The following MGAT5 variants were observed in gnomAD, a reference collection of about 807,000 sequenced individuals.
The protein encoded by MGAT5 is alpha-1,6-mannosylglycoprotein 6-beta-N-acetylglucosaminyltransferase, also known as alpha-1,6-mannosylglycoprotein 6-beta-N-acetylglucosaminyltransferase A.
A neutral mutation model predicts 94.3 loss-of-function variants in MGAT5; 30 were observed. The observed-to-expected ratio is 0.32, with a 90% CI of 0.24 to 0.43. MGAT5 has a LOEUF of 0.43. Ranked by LOEUF, MGAT5 falls within the 20% of genes least tolerant of loss-of-function variation. The pLI is 1.00. For missense variants in MGAT5, 691 were observed against 905.5 expected (o/e 0.76, Z 3.04); for synonymous variants, 310 against 322.9 (o/e 0.96, Z 0.43).
At chr2:134,382,726 A>T (rs1681711604) in intron 10 of MGAT5, among the ~76,000 whole-genome samples, 1 of 152,186 alleles carries the variant, frequency 6.6e-6, no homozygotes, top group Admixed American at 6.5e-5. Flanking sequence ...CTGGTTGCCT[A>T]CTTCTACCAT....
At chr2:134,279,061 C>A (rs1457327230) in intron 2 of MGAT5, among the ~76,000 whole-genome samples, 1 of 152,150 alleles carries the variant, frequency 6.6e-6, no homozygotes, top group African/African-American at 2.4e-5. Context: ...CAGTGCTGAG[C>A]TTGGAGTCTG....
chr2:134,152,999 G>A (rs1186541104), intron 1 of MGAT5, among the ~76,000 whole-genome samples: 2 of 150,594 alleles, frequency 1.3e-5, no homozygotes, highest in Admixed American at 6.6e-5. Context: ...CACCTCCTGA[G>A]TTCAAGCAGT....
At chr2:134,375,827 C>G (rs1427553752) in intron 10 of MGAT5, among the ~76,000 whole-genome samples, 1 of 152,186 alleles carries the variant, frequency 6.6e-6, no homozygotes, top group African/African-American at 2.4e-5. Context: ...CAGAGCACAT[C>G]TCGTCAACTG....
At chr2:134,150,141 A>G (rs1452160405) in intron 1 of MGAT5, among the ~76,000 whole-genome samples, 1 of 152,052 alleles carries the variant, frequency 6.6e-6, no homozygotes. Context: ...AGGCTGTCAG[A>G]TGTCAGCACT....
chr2:134,169,248 G>A (rs1334980158), intron 1 of MGAT5, among the ~76,000 whole-genome samples: 1 of 152,050 alleles, frequency 6.6e-6, no homozygotes, highest in African/African-American at 2.4e-5. Context: ...GGTTGAAAAT[G>A]GGATTTCAAG....
At chr2:134,400,852 C>G (rs1354092952) in intron 10 of MGAT5, among the ~76,000 whole-genome samples, 1 of 152,108 alleles carries the variant, frequency 6.6e-6, no homozygotes, top group African/African-American at 2.4e-5. Context: ...GAGAGGCCTC[C>G]TTGTAGATGA....
chr2:134,407,399 C>T (rs1270014783), intron 11 of MGAT5, among the ~76,000 whole-genome samples: 1 of 151,984 alleles, frequency 6.6e-6, no homozygotes, highest in African/African-American at 2.4e-5. Flanking sequence ...CTCCTTCCCT[C>T]CCCCTTATCT....
chr2:134,447,138 A>T (rs1276250594), intron 15 of MGAT5, among the ~76,000 whole-genome samples: 1 of 152,222 alleles, frequency 6.6e-6, no homozygotes, highest in African/African-American at 2.4e-5. Flanking sequence ...GTACACACAC[A>T]TATGCATACA....
intron 1 of MGAT5, among the ~76,000 whole-genome samples, chr2:134,201,638 G>A (rs1021944069): frequency 6.6e-6 from 1 of 151,930 alleles, no homozygotes; most frequent in Non-Finnish European, 1.5e-5. Flanking sequence ...CCTTCGGGGC[G>A]ACCTGTGCTT....
upstream of MGAT5, chr2:134,253,069 A>T (rs1236931580): frequency 6.6e-6 from 1 of 152,246 alleles, no homozygotes; most frequent in Non-Finnish European, 1.5e-5. Flanking sequence ...GCTAGAATTT[A>T]TAATTTATTT....
In MGAT5 at chr2:134,381,536, C is replaced by CAGATAGATAGATAGAT. The variant is rs57978433; in HGVS notation, c.1380+19135_1380+19150dup. ...CCAGACAGACAGACAGACAGACAGACAGATAGATAGATAGATAGATAGCAC... is the reference window on the plus strand; with the variant it reads ...CCAGACAGACAGACAGACAGACAGACAGATAGATAGATAGATAGATAGATAGATAGATAGATAGCAC... On this transcript the variant is annotated intron_variant, in intron 10 of 15. Coordinates refer to ENST00000281923, the MANE Select transcript of MGAT5 (RefSeq NM_002410.5). Among the ~76,000 whole-genome samples the CAGATAGATAGATAGAT allele has an allele frequency of 9.4e-3, 1,385 of 146,934 alleles. 20 individuals carry two copies. The highest frequency in any genetic ancestry group is 0.041 in the South Asian group (179 of 4,400).
intron 14 of MGAT5, among the ~76,000 whole-genome samples, chr2:134,431,610 C>A (rs895159540): frequency 6.6e-6 from 1 of 152,180 alleles, no homozygotes; most frequent in African/African-American, 2.4e-5. Context: ...AACAAGAAAG[C>A]CTGCAGCTCC....
chr2:134,435,134 C>T (rs1043108493), intron 14 of MGAT5, among the ~76,000 whole-genome samples: 3 of 152,142 alleles, frequency 2.0e-5, no homozygotes, highest in African/African-American at 7.2e-5. Flanking sequence ...ATCCCGTCAC[C>T]CCTCTTCCCG....
At position 134,125,089 on chromosome 2, in the gene MGAT5, A is replaced by G. The variant is rs184825546; in HGVS notation, c.-143+4798A>G. Among the ~76,000 whole-genome samples the G allele has an allele frequency of 1.7e-3, 262 of 152,270 alleles. 1 individual carries two copies. Among genetic ancestry groups the G allele is most frequent in the African/African-American group, 6.1e-3 (253 of 41,556 alleles). On this transcript the variant is annotated intron_variant, in intron 1 of 16. Transcript: ENST00000409645. ...TGGTGATCATCGTAGAGATTTTATT[A>G]TATGTCTTGGTGGAGAAACATCAAG...
intron 15 of MGAT5, among the ~76,000 whole-genome samples, chr2:134,445,490 G>A (rs1161830886): frequency 2.0e-5 from 3 of 152,112 alleles, no homozygotes; most frequent in East Asian, 1.9e-4. Context: ...AGCAGCACTC[G>A]CCTCCTGTCC....
intron 10 of MGAT5, among the ~76,000 whole-genome samples, chr2:134,390,611 T>C (rs929056624): frequency 6.6e-6 from 1 of 152,278 alleles, no homozygotes; most frequent in Non-Finnish European, 1.5e-5. Context: ...CTATTTTAAA[T>C]GTAGGACTAA....
At chr2:134,320,386 C>T (rs566866103) in intron 4 of MGAT5, among the ~76,000 whole-genome samples, 5 of 150,494 alleles carry the variant, frequency 3.3e-5, no homozygotes, top group South Asian at 2.1e-4. Context: ...TTTTTTTTAA[C>T]GGTTGCAGAG....
intron 1 of MGAT5, among the ~76,000 whole-genome samples, chr2:134,128,121 C>T (rs1331344064): frequency 1.3e-5 from 2 of 151,438 alleles, no homozygotes; most frequent in Admixed American, 6.6e-5. Context: ...GTAATCCCAG[C>T]ACTCTCAGAG....
intron 15 of MGAT5, among the ~76,000 whole-genome samples, chr2:134,443,746 C>G (rs1028729157): frequency 3.3e-5 from 5 of 152,196 alleles, no homozygotes; most frequent in African/African-American, 9.7e-5. Context: ...CCATGCGCTC[C>G]TTTTGCATAT....
Sources: gnomAD v4.1 joint callset for allele counts (sites outside exome capture counted in the v4.1 genomes callset) on GRCh38, gnomAD v4.1.1 for gene constraint, MANE v1.5 for transcripts, NCBI Gene and HGNC (gene_info 2026-07-23, HGNC 2026-07-21) for gene names.